SRMS: variants seen among roughly 807,000 people sequenced by gnomAD.
SRMS encodes the protein src-related kinase lacking C-terminal regulatory tyrosine and N-terminal myristylation sites.
Under a neutral mutation model 43.5 loss-of-function variants are expected in SRMS, and 42 were observed. The observed-to-expected ratio is 0.97, with a 90% CI of 0.75 to 1.25. The LOEUF (loss-of-function observed/expected upper bound fraction) is 1.25, where lower values mean the gene tolerates loss of function less well. Among genes scored for constraint, SRMS ranks in the 50% most tolerant of loss-of-function variants. SRMS has a pLI of 0.00. For synonymous variants in SRMS, 316 were observed against 308.2 expected, an observed-to-expected ratio of 1.03 and a Z score of -0.27; for missense variants, 703 against 681.0, an observed-to-expected ratio of 1.03 and a Z score of -0.36.
intron 3 of SRMS, among the ~76,000 whole-genome samples, chr20:63,543,048 C>G (rs747687170): frequency 3.3e-5 from 5 of 152,180 alleles, no homozygotes; most frequent in Non-Finnish European, 5.9e-5. Context: ...TGGCTGCTCC[C>G]CTGCAGAGCT....
At position 63,541,472 on chromosome 20, in the gene SRMS, C is replaced by T. The variant is rs201449960; in HGVS notation, c.1095G>A (p.Lys365=). 3 of 1,607,776 alleles carry T rather than the reference C, an allele frequency of 1.9e-6. No individual in the cohort carries two copies. Among genetic ancestry groups the T allele is most frequent in the South Asian group, 1.1e-5 (1 of 90,962 alleles). The part of the protein sequence containing the change: ...NVLVDDGLAC[K]VADFGLARLL... ...GCCGGGCCAGGCCGAAGTCAGCCAC[C>T]TTGCAGGCCAGGCCGTCGTCCACGA... The change falls in exon 6 of 8, where the codon AAG becomes AAA. Residue 365 remains lysine (K), a synonymous_variant. Coordinates refer to ENST00000217188, the MANE Select transcript of SRMS (RefSeq NM_080823.4).
chr20:63,541,745 G>GGCCTTA, intron 5 of SRMS, 125 bp from the exon 6 acceptor site: 1 of 1,193,376 alleles, frequency 8.4e-7, no homozygotes, highest in Non-Finnish European at 1.1e-6. Flanking sequence ...AGGATGGCAT[G>GGCCTTA]GCCGGCTAAG....
intron 1 of SRMS, among the ~76,000 whole-genome samples, chr20:63,545,318 A>G (rs1600947114): frequency 6.6e-6 from 1 of 151,982 alleles, no homozygotes; most frequent in African/African-American, 2.4e-5. Flanking sequence ...TCAGCTTCCC[A>G]CCCTGGAGCC....
At chr20:63,546,823 G>A (rs1300800136) in intron 1 of SRMS, among the ~76,000 whole-genome samples, 3 of 152,218 alleles carry the variant, frequency 2.0e-5, no homozygotes, top group Admixed American at 1.3e-4. Flanking sequence ...TGGAGGAACC[G>A]CCTGCTGGGT....
chr20:63,541,137 C>T, intron 7 of SRMS, 54 bp downstream of exon 7: 1 of 1,549,252 alleles, frequency 6.5e-7, no homozygotes, highest in Non-Finnish European at 8.7e-7. Flanking sequence ...AGGCCCGGGG[C>T]CAGTGACTCC....
intron 1 of SRMS, among the ~76,000 whole-genome samples, chr20:63,545,591 G>A (rs1022078737): frequency 5.9e-5 from 9 of 152,216 alleles, no homozygotes; most frequent in South Asian, 2.1e-4. Context: ...CCCCTGCCCC[G>A]GTGACCTAGG....
intron 3 of SRMS, 74 bp from the exon 4 acceptor site, chr20:63,542,655 C>T: frequency 6.7e-7 from 1 of 1,494,550 alleles, no homozygotes; most frequent in Non-Finnish European, 8.9e-7. Flanking sequence ...CCCCCCACAC[C>T]AGGCCTCTGG....
At position 63,538,785 on chromosome 20, in the gene SRMS, C is replaced by T. The variant is rs924148137; in HGVS notation, c.*2033G>A. 2.0e-5 allele frequency among the ~76,000 whole-genome samples: 3 copies of T among 152,014 alleles called. No homozygotes were observed. Among genetic ancestry groups the T allele is most frequent in the Admixed American group, 6.5e-5 (1 of 15,272 alleles). On this transcript the variant is annotated 3_prime_UTR_variant, in exon 8 of 8. Transcript: ENST00000217188. ...TGGCCGGGCAGCGTCCCTCAGAGCC[C>T]GGCCAGACTCTGGGCCCGTGAGTCT...
At position 63,541,474 on chromosome 20, in the gene SRMS, T is replaced by G. The variant is rs1341758531; in HGVS notation, c.1093A>C (p.Lys365Gln). ...NVLVDDGLACKVADFGLARLL... is the reference protein window; with the variant it reads ...NVLVDDGLACQVADFGLARLL... ...CGGGCCAGGCCGAAGTCAGCCACCT[T>G]GCAGGCCAGGCCGTCGTCCACGAGC... The change falls in exon 6 of 8, where the codon AAG (lysine) becomes CAG (glutamine). Residue 365 changes from lysine to glutamine, a missense_variant. Transcript: ENST00000217188. 6.2e-7 allele frequency: 1 copy of G among 1,607,530 alleles called. No individual in the cohort carries two copies. Among genetic ancestry groups the G allele is most frequent in the Admixed American group, 1.7e-5 (1 of 59,864 alleles).
Position 63,543,655 on chromosome 20 carries a change from G to C in SRMS, c.479-175C>G, listed in dbSNP as rs1038993518. Reference sequence around the variant, plus strand: ...AGTGTGGGCAGCCACAGGCTGGGGCGGGGCAGCGAGAGCGGCCCAGGTTGG... The same window carrying C: ...AGTGTGGGCAGCCACAGGCTGGGGCCGGGCAGCGAGAGCGGCCCAGGTTGG... On this transcript the variant is annotated intron_variant, in intron 2 of 7. Coordinates refer to ENST00000217188, the MANE Select transcript of SRMS (RefSeq NM_080823.4). 5 of 752,940 alleles carry C rather than the reference G, an allele frequency of 6.6e-6. No individual in the cohort carries two copies. In the East Asian group the frequency reaches 1.4e-4, roughly 21 times the overall value. 46.6% of individuals were successfully genotyped at this position (752,940 alleles called of 1,614,324 possible). A position where few individuals can be genotyped will look rare whatever the true frequency, so the allele number is the denominator to read the frequency against.
chr20:63,545,246 C>T (rs535795647), intron 1 of SRMS, among the ~76,000 whole-genome samples: 1 of 152,172 alleles, frequency 6.6e-6, no homozygotes, highest in Admixed American at 6.5e-5. Context: ...GAAATGCTCC[C>T]AGCCCCACCC....
At position 63,540,632 on chromosome 20, in the gene SRMS, G is replaced by A. The variant is rs1277170631; in HGVS notation, c.*186C>T. On this transcript the variant is annotated 3_prime_UTR_variant, in exon 8 of 8. Transcript: ENST00000217188. ...CCGTCTGCACGAGTCACACTGCACG[G>A]GGGACGTCAGCCCCAGCCCTCCGTC... is the stretch of plus-strand genomic sequence containing the variant. 6.6e-6 allele frequency among the ~76,000 whole-genome samples: 1 copy of A among 152,244 alleles called. No individual in the cohort carries two copies. Among genetic ancestry groups the A allele is most frequent in the Non-Finnish European group, 1.5e-5 (1 of 68,034 alleles).
chr20:63,542,381 C>A, intron 4 of SRMS, 59 bp downstream of exon 4: 1 of 1,597,424 alleles, frequency 6.3e-7, no homozygotes, highest in Non-Finnish European at 8.6e-7. Context: ...TGCCCTGGGG[C>A]TTGAGGGTTG....
chr20:63,547,310 A>G lies in SRMS; in HGVS notation c.154T>C (p.Phe52Leu). The G allele has an allele frequency of 6.2e-7, 1 of 1,600,218 alleles. No homozygotes were observed. The highest frequency in any genetic ancestry group is 8.5e-7 in the Non-Finnish European group (1 of 1,171,188). Residue 52 changes from phenylalanine (F) to leucine (L), a missense_variant, in exon 1 of 8, where the codon TTC (phenylalanine) becomes CTC (leucine). Transcript: ENST00000217188. Reference sequence around the variant, plus strand: ...TAGAGCGCAAGGAAGAGCTGAGGGAAGGGGCTGCAAGGCTCGGCGGGGAGC... The same window carrying G: ...TAGAGCGCAAGGAAGAGCTGAGGGAGGGGGCTGCAAGGCTCGGCGGGGAGC... ...PTLPAEPCSPFPQLFLALYDF... is the reference protein window; with the variant it reads ...PTLPAEPCSPLPQLFLALYDF...
rs1017607016 is a variant in SRMS, at chr20:63,543,161, C to T, written c.645+153G>A. 3.3e-5 allele frequency among the ~76,000 whole-genome samples: 5 copies of T among 152,328 alleles called. No individual in the cohort carries two copies. The East Asian group carries it at 5.8e-4, about 18-fold the overall frequency. Reference sequence around the variant, plus strand: ...CGCAGAGAGCAGAATGTGCTGGAACCGCTGGGATGCTCCGATGCTCCCAGG... The same window carrying T: ...CGCAGAGAGCAGAATGTGCTGGAACTGCTGGGATGCTCCGATGCTCCCAGG... On this transcript the variant is annotated intron_variant, in intron 3 of 7. Coordinates refer to ENST00000217188, the MANE Select transcript of SRMS (RefSeq NM_080823.4).
rs766943635 is a variant in SRMS at position 63,540,786 on chromosome 20, C to T, written c.*32G>A. The T allele has an allele frequency of 2.7e-5, 42 of 1,563,118 alleles. No individual in the cohort carries two copies. The highest frequency in any genetic ancestry group is 3.2e-5 in the Non-Finnish European group (37 of 1,155,528). On this transcript the variant is annotated 3_prime_UTR_variant, in exon 8 of 8. Coordinates refer to ENST00000217188, the MANE Select transcript of SRMS (RefSeq NM_080823.4). ...CTGCAGGGAGGAGGGGCTGGCCTGG[C>T]TGGAGCCCAGAGCGTTGGGTCACGT...
Position 63,539,317 on chromosome 20 carries a change from G to A in SRMS, c.*1501C>T, listed in dbSNP as rs1009775245. ...CGCTGCCTCCGTTCTCGGAGCCTCC[G>A]AGTGGCCTCTTCCTTCCCCGGGGCC... is the stretch of plus-strand genomic sequence containing the variant. On this transcript the variant is annotated 3_prime_UTR_variant, in exon 8 of 8. Coordinates refer to ENST00000217188, the MANE Select transcript of SRMS (RefSeq NM_080823.4). 2.6e-5 allele frequency among the ~76,000 whole-genome samples: 4 copies of A among 152,212 alleles called. No homozygotes were observed. The highest frequency in any genetic ancestry group is 7.2e-5 in the African/African-American group (3 of 41,452).
rs1310759367 is a variant in SRMS at position 63,539,600 on chromosome 20, C to T, written c.*1218G>A. Reference sequence around the variant, plus strand: ...TCCGGGGGCCACAAACAGACCCCACCGGCCCCCTTGCTTCTTGACGTGTTT... The same window carrying T: ...TCCGGGGGCCACAAACAGACCCCACTGGCCCCCTTGCTTCTTGACGTGTTT... On this transcript the variant is annotated 3_prime_UTR_variant, in exon 8 of 8. Transcript: ENST00000217188. Among the ~76,000 whole-genome samples, 1 of 152,196 alleles carries T rather than the reference C, an allele frequency of 6.6e-6. No individual in the cohort carries two copies. Among genetic ancestry groups the T allele is most frequent in the South Asian group, 2.1e-4 (1 of 4,834 alleles).
rs187273697 is a variant in SRMS, at chr20:63,547,090, C to T, written c.356+18G>A. 121 of 1,522,260 alleles carry T rather than the reference C, an allele frequency of 7.9e-5. No homozygotes were observed. Among genetic ancestry groups the T allele is most frequent in the Admixed American group, 1.9e-4 (9 of 48,624 alleles). 94.3% of individuals were successfully genotyped at this position (1,522,260 alleles called of 1,614,324 possible). A position where few individuals can be genotyped will look rare whatever the true frequency, so the allele number is the denominator to read the frequency against. On this transcript the variant is annotated intron_variant, in intron 1 of 7. Transcript: ENST00000217188. ...CTGGGGGCGAGGCAGGCTCTGACTCCGAGGCCGAGGTACTCACGGTTGGTC... is the reference window on the plus strand; with the variant it reads ...CTGGGGGCGAGGCAGGCTCTGACTCTGAGGCCGAGGTACTCACGGTTGGTC...
Sources: allele counts gnomAD v4.1 joint callset (sites outside exome capture counted in the v4.1 genomes callset), GRCh38; gene constraint gnomAD v4.1.1; transcripts MANE v1.5; gene names NCBI Gene and HGNC (gene_info 2026-07-23, HGNC 2026-07-21).